Variants in USH2A observed in about 807,000 individuals in gnomAD.
USH2A encodes the protein usherin.
Under a neutral mutation model 538.9 loss-of-function variants are expected in USH2A, and 443 were observed. The observed-to-expected ratio is 0.82, with a 90% CI of 0.76 to 0.89. The LOEUF is 0.89. Ranked by LOEUF, USH2A falls within the 40% of genes least tolerant of loss-of-function variation. USH2A has a pLI of 0.00. For missense variants in USH2A, 6,633 were observed against 6,324.8 expected (o/e 1.05, Z -1.65); for synonymous variants, 2,413 against 2,273.5 (o/e 1.06, Z -1.75).
At chr1:216,075,969 G>C (rs1444936085) in intron 27 of USH2A, among the ~76,000 whole-genome samples, 6 of 151,980 alleles carry the variant, frequency 3.9e-5, no homozygotes, top group Admixed American at 2.0e-4. Context: ...ATTGATAGTG[G>C]GTTGAAAGAA....
chr1:215,646,362 A>G (rs1656852392), intron 67 of USH2A, among the ~76,000 whole-genome samples: 1 of 137,788 alleles, frequency 7.3e-6, no homozygotes, highest in Admixed American at 7.7e-5. Context: ...ATAAGCACTT[A>G]TTATTCTTAA....
chr1:215,955,481 T>C (rs1286700481), intron 37 of USH2A, among the ~76,000 whole-genome samples: 1 of 152,202 alleles, frequency 6.6e-6, no homozygotes, highest in African/African-American at 2.4e-5. Context: ...ACATGCTTTC[T>C]ACATGAACAA....
At chr1:215,953,382 T>G (rs1252794899) in intron 37 of USH2A, among the ~76,000 whole-genome samples, 1 of 152,064 alleles carries the variant, frequency 6.6e-6, no homozygotes, top group Non-Finnish European at 1.5e-5. Context: ...ACCAATAGAA[T>G]GGAACAGAGC....
chr1:216,225,447 G>C lies in USH2A; in HGVS notation c.2993+6506C>G, dbSNP rs372683486. ...AAAGAGACAGCTGAATTCATCAGTG[G>C]GATAGGAGGGTCAAGTCAAGTTACC... On this transcript the variant is annotated intron_variant, in intron 14 of 71. Coordinates refer to ENST00000307340, the MANE Select transcript of USH2A (RefSeq NM_206933.4). Among the ~76,000 whole-genome samples the C allele has an allele frequency of 6.6e-5, 10 of 152,276 alleles. No individual in the cohort carries two copies. The East Asian group carries it at 1.4e-3, about 21-fold the overall frequency.
intron 3 of USH2A, among the ~76,000 whole-genome samples, chr1:216,416,352 C>T (rs1048357798): frequency 2.0e-5 from 3 of 151,992 alleles, no homozygotes; most frequent in African/African-American, 7.2e-5. Context: ...TTAATAAGTG[C>T]TAGATGATTA....
chr1:215,946,724 T>C (rs183303687), intron 37 of USH2A, among the ~76,000 whole-genome samples: 15 of 152,336 alleles, frequency 9.8e-5, no homozygotes, highest in Middle Eastern at 3.4e-3. Flanking sequence ...GTGGGTAGTA[T>C]GGCTGAGGAG....
In USH2A at chr1:216,422,557, T is replaced by G. The variant is rs555661613; in HGVS notation, c.-204-17A>C. 1.7e-6 allele frequency: 1 copy of G among 579,366 alleles called. No homozygotes were observed. The highest frequency in any genetic ancestry group is 1.9e-5 in the African/African-American group (1 of 53,156). The allele number at this position is 579,366 out of a possible 1,614,324, so 35.9% of individuals were successfully genotyped here. A position where few individuals can be genotyped will look rare whatever the true frequency, so the allele number is the denominator to read the frequency against. On this transcript the variant is annotated splice_polypyrimidine_tract_variant and intron_variant, in intron 1 of 71. Coordinates refer to ENST00000307340, the MANE Select transcript of USH2A (RefSeq NM_206933.4). Reference sequence around the variant, plus strand: ...TGCTGGTATCTGGGAATCAAAAACGTAGGGCGTCAAGGGAAAGCTGCTGCA... The same window carrying G: ...TGCTGGTATCTGGGAATCAAAAACGGAGGGCGTCAAGGGAAAGCTGCTGCA...
chr1:216,231,237 T>TATATTTATATATATTATATATATA (rs2035672561), intron 14 of USH2A, among the ~76,000 whole-genome samples: 1 of 41,234 alleles, frequency 2.4e-5, no homozygotes, highest in Non-Finnish European at 5.0e-5. Context: ...ATATCCCATA[T>TATATTTATATATATTATATATATA]ATATATATAT....
At chr1:216,016,847 T>TTG (rs140646671) in intron 32 of USH2A, among the ~76,000 whole-genome samples, 1,607 of 139,106 alleles carry the variant, frequency 0.012, 35 homozygotes, top group African/African-American at 0.038. Flanking sequence ...AGTCACTACT[T>TTG]TGTGTGTGTG....
chr1:216,122,281 A>C (rs777872670), intron 21 of USH2A, among the ~76,000 whole-genome samples: 2 of 152,190 alleles, frequency 1.3e-5, no homozygotes, highest in African/African-American at 4.8e-5. Context: ...ACATAGGAGT[A>C]GCTAGTACTC....
At chr1:215,688,000 T>C (rs915364529) in intron 61 of USH2A, among the ~76,000 whole-genome samples, 4 of 151,968 alleles carry the variant, frequency 2.6e-5, no homozygotes, top group Non-Finnish European at 5.9e-5. Flanking sequence ...AGAGAGAGAA[T>C]TGGAAATTGT....
intron 44 of USH2A, among the ~76,000 whole-genome samples, chr1:215,864,474 G>C (rs1396775127): frequency 1.3e-5 from 2 of 152,056 alleles, no homozygotes; most frequent in African/African-American, 4.8e-5. Context: ...TGTCTATTGG[G>C]ACCAGGAAAA....
At chr1:216,114,548 C>T (rs1571972491) in intron 21 of USH2A, among the ~76,000 whole-genome samples, 2 of 152,152 alleles carry the variant, frequency 1.3e-5, no homozygotes, top group South Asian at 2.1e-4. Flanking sequence ...TATTCCTCCT[C>T]TTAGCATACA....
intron 26 of USH2A, among the ~76,000 whole-genome samples, chr1:216,082,358 GACAA>G (rs2031977603): frequency 6.6e-6 from 1 of 151,026 alleles, no homozygotes; most frequent in Non-Finnish European, 1.5e-5. Context: ...TACACAAGAG[GACAA>G]ACAAATATTT....
intron 21 of USH2A, among the ~76,000 whole-genome samples, chr1:216,166,145 G>C (rs931582337): frequency 7.9e-5 from 12 of 152,106 alleles, no homozygotes; most frequent in African/African-American, 2.9e-4. Context: ...ATGGGAGGAG[G>C]CTGGGGTTGC....
chr1:215,878,616 A>C, intron 42 of USH2A, 148 bp downstream of exon 42: 1 of 766,716 alleles, frequency 1.3e-6, no homozygotes, highest in East Asian at 2.7e-5. Context: ...AGTGTACAGT[A>C]TGATAGTGTA....
At position 216,285,845 on chromosome 1, in the gene USH2A, C is replaced by T. The variant is rs576637566; in HGVS notation, c.1971+3435G>A. ...TAACTTTGAGGTTTAATGACTGCCC[C>T]ATTGGGTTTCAGACTTGCATGGGGA... On this transcript the variant is annotated intron_variant, in intron 11 of 71. Transcript: ENST00000307340. Among the ~76,000 whole-genome samples, 5 of 152,348 alleles carry T rather than the reference C, an allele frequency of 3.3e-5. No homozygotes were observed. The East Asian group carries it at 9.7e-4, about 29-fold the overall frequency.
At chr1:215,980,114 A>T (rs1262482560) in intron 35 of USH2A, among the ~76,000 whole-genome samples, 4 of 152,208 alleles carry the variant, frequency 2.6e-5, no homozygotes, top group Non-Finnish European at 5.9e-5. Flanking sequence ...ACTGTTGTGC[A>T]GGGGAGCATG....
intron 10 of USH2A, among the ~76,000 whole-genome samples, chr1:216,291,363 G>C (rs2036998157): frequency 6.6e-6 from 1 of 152,052 alleles, no homozygotes; most frequent in Admixed American, 6.6e-5. Flanking sequence ...AACTCCTACT[G>C]TCCTTGCCCT....
Sources: allele counts gnomAD v4.1 joint callset (sites outside exome capture counted in the v4.1 genomes callset), GRCh38; gene constraint gnomAD v4.1.1; transcripts MANE v1.5; gene names NCBI Gene and HGNC (gene_info 2026-07-23, HGNC 2026-07-21).